Variants in DCAF8L2 observed in about 807,000 individuals in gnomAD.
DCAF8L2 encodes the protein DDB1 and CUL4 associated factor 8 like 2, also known as DDB1- and CUL4-associated factor 8-like protein 2.
For synonymous variants in DCAF8L2, 200 were observed against 190.9 expected (o/e 1.05, Z -0.39); for missense variants, 430 against 490.7 (o/e 0.88, Z 1.17).
intron 4 of DCAF8L2, among the ~76,000 whole-genome samples, chrX:27,734,874 G>A (rs1921430192): frequency 1.8e-5 from 2 of 111,758 alleles, no homozygotes; most frequent in South Asian, 3.7e-4. Flanking sequence ...AATAACTGGC[G>A]AAAAGCAAAC....
chrX:27,518,932 A>G, the DCAF8L2 span: 3 of 574,684 alleles, frequency 5.2e-6, no homozygotes, highest in Non-Finnish European at 9.3e-6. Context: ...TATAAAGCCA[A>G]TAGACAAAAA....
chrX:27,538,289 T>G, the DCAF8L2 span, among the ~76,000 whole-genome samples: 1 of 112,340 alleles, frequency 8.9e-6, no homozygotes, highest in Admixed American at 9.5e-5. Context: ...TCTTTGCAAT[T>G]TAATTAGTCA....
At chrX:27,480,258 T>C in the DCAF8L2 span, among the ~76,000 whole-genome samples, 2 of 112,304 alleles carry the variant, frequency 1.8e-5, no homozygotes, top group Admixed American at 1.9e-4. Context: ...AGTAGGAAAA[T>C]GGATATTAAT....
At chrX:27,648,807 T>C (rs1316587621) in intron 2 of DCAF8L2, among the ~76,000 whole-genome samples, 3 of 111,401 alleles carry the variant, frequency 2.7e-5, no homozygotes, top group Non-Finnish European at 5.7e-5. Flanking sequence ...GTAGGATTTA[T>C]GTAAAATGGA....
At chrX:27,502,349 T>A in the DCAF8L2 span, among the ~76,000 whole-genome samples, 781 of 50,209 alleles carry the variant, frequency 0.016, 18 homozygotes, top group African/African-American at 0.035. Context: ...TATATATATA[T>A]ATATATATAT....
chrX:27,502,335 A>AAAAAAAAAAATAT, the DCAF8L2 span, among the ~76,000 whole-genome samples: 20 of 12,702 alleles, frequency 1.6e-3, no homozygotes, highest in East Asian at 7.0e-3. Flanking sequence ...AAAAAAAAAA[A>AAAAAAAAAAATAT]ATATATATAT....
At chrX:27,633,289 T>C (rs971703837) in intron 2 of DCAF8L2, 31 of 112,414 alleles carry the variant, frequency 2.8e-4, no homozygotes, top group Non-Finnish European at 2.3e-4. Context: ...ATAATTTTCT[T>C]GATGCCCAAG....
chrX:27,586,368 A>C (rs971224455), upstream of DCAF8L2, among the ~76,000 whole-genome samples: 9 of 111,728 alleles, frequency 8.1e-5, no homozygotes, highest in Non-Finnish European at 1.7e-4. Context: ...TATGTCTGTC[A>C]CCTAAAGGTA....
At chrX:27,496,649 C>T in the DCAF8L2 span, among the ~76,000 whole-genome samples, 1 of 111,602 alleles carries the variant, frequency 9.0e-6, no homozygotes, top group African/African-American at 3.3e-5. Flanking sequence ...GAAAGACACC[C>T]CCATCGTCCC....
At chrX:27,499,411 G>A in the DCAF8L2 span, among the ~76,000 whole-genome samples, 6 of 111,938 alleles carry the variant, frequency 5.4e-5, 1 homozygote, top group Non-Finnish European at 1.1e-4. Flanking sequence ...CCCTTTTAAA[G>A]TCAGGTTATT....
At chrX:27,612,818 G>A (rs751395220) in intron 1 of DCAF8L2, among the ~76,000 whole-genome samples, 1 of 111,584 alleles carries the variant, frequency 9.0e-6, no homozygotes, top group Non-Finnish European at 1.9e-5. Context: ...TCTCTGTTTT[G>A]GTTGCCAGTA....
chrX:27,470,656 A>G, the DCAF8L2 span, among the ~76,000 whole-genome samples: 64 of 111,856 alleles, frequency 5.7e-4, no homozygotes, highest in African/African-American at 2.0e-3. Flanking sequence ...CTCTATTTTA[A>G]ATTTAGGACT....
the DCAF8L2 span, among the ~76,000 whole-genome samples, chrX:27,471,689 T>A: frequency 9.0e-6 from 1 of 111,660 alleles, no homozygotes; most frequent in African/African-American, 3.3e-5. Context: ...TCAACAGAAC[T>A]TTCTCAATCT....
the DCAF8L2 span, among the ~76,000 whole-genome samples, chrX:27,516,682 A>C: frequency 9.0e-6 from 1 of 111,671 alleles, no homozygotes; most frequent in Non-Finnish European, 1.9e-5. Flanking sequence ...ATGAAATTTC[A>C]AAAGTATTTC....
the DCAF8L2 span, among the ~76,000 whole-genome samples, chrX:27,557,907 A>G: frequency 1.8e-5 from 2 of 111,497 alleles, no homozygotes; most frequent in African/African-American, 3.3e-5. Flanking sequence ...GGCCATCTCT[A>G]AGAGGAACTT....
chrX:27,727,751 A>G (rs1357130212), intron 4 of DCAF8L2, among the ~76,000 whole-genome samples: 1 of 111,801 alleles, frequency 8.9e-6, no homozygotes, highest in South Asian at 3.7e-4. Context: ...GAAAATTGGC[A>G]TCTTTTCAAT....
the DCAF8L2 span, chrX:27,518,944 G>T: frequency 1.4e-5 from 8 of 580,053 alleles, no homozygotes; most frequent in African/African-American, 6.8e-5. Flanking sequence ...AGACAAAAAG[G>T]CACCTGATTT....
chrX:27,529,547 A>G, the DCAF8L2 span, among the ~76,000 whole-genome samples: 1 of 111,970 alleles, frequency 8.9e-6, no homozygotes, highest in African/African-American at 3.2e-5. Flanking sequence ...CAAAATAATC[A>G]GATGATTTGC....
chrX:27,653,864 T>C (rs1011782867), intron 2 of DCAF8L2, among the ~76,000 whole-genome samples: 17 of 111,087 alleles, frequency 1.5e-4, no homozygotes, highest in African/African-American at 5.6e-4. Context: ...AATATGACAT[T>C]AGCAAATCAT....
Sources: gnomAD v4.1 joint callset for allele counts (sites outside exome capture counted in the v4.1 genomes callset) on GRCh38, gnomAD v4.1.1 for gene constraint, MANE v1.5 for transcripts, NCBI Gene and HGNC (gene_info 2026-07-23, HGNC 2026-07-21) for gene names.